ZNF740: variants seen among roughly 807,000 people sequenced by gnomAD.
The protein encoded by ZNF740 is oriLyt TD-element-binding protein 7.
ZNF740 carries 14 observed loss-of-function variants against 24.8 expected under a neutral mutation model. That is an observed-to-expected ratio of 0.56 (90% CI 0.37 to 0.88). The LOEUF (loss-of-function observed/expected upper bound fraction) is 0.88. Ranked by LOEUF, ZNF740 falls within the 40% of genes least tolerant of loss-of-function variation. ZNF740 has a pLI of 0.00. For missense variants in ZNF740, 201 were observed against 247.9 expected (o/e 0.81, Z 1.27); for synonymous variants, 69 against 84.0 (o/e 0.82, Z 0.98).
chr12:53,184,114 G>T (rs901313294), intron 2 of ZNF740, among the ~76,000 whole-genome samples: 7 of 123,506 alleles, frequency 5.7e-5, no homozygotes, highest in Admixed American at 3.9e-4. Context: ...GAAGCTAAGG[G>T]GTGTGTGTGT....
Position 53,194,267 on chromosome 12 carries a change from C to T in ZNF740, c.*6677C>T, listed in dbSNP as rs777948445. 3.1e-6 allele frequency: 5 copies of T among 1,613,964 alleles called. No homozygotes were observed. The highest frequency in any genetic ancestry group is 1.7e-5 in the Admixed American group (1 of 59,998). On this transcript the variant is annotated 3_prime_UTR_variant, in exon 7 of 7. Coordinates refer to ENST00000416904, the MANE Select transcript of ZNF740 (RefSeq NM_001004304.4). ...CCTTACCCTCCCTCTTCTCAGGACC[C>T]TCACACTGGGATTCGTAAGAAATGT...
rs1942032899 is a variant in ZNF740, at chr12:53,193,250, C to G, written c.*5660C>G. On this transcript the variant is annotated 3_prime_UTR_variant, in exon 7 of 7. Transcript: ENST00000416904. Reference sequence around the variant, plus strand: ...GCGTCCACATTGACAGTGACCCTTTCCACTGCACAGGGGCCCTGTGCCATT... The same window carrying G: ...GCGTCCACATTGACAGTGACCCTTTGCACTGCACAGGGGCCCTGTGCCATT... 1.2e-6 allele frequency: 2 copies of G among 1,614,060 alleles called. No homozygotes were observed. Among genetic ancestry groups the G allele is most frequent in the African/African-American group, 2.7e-5 (2 of 74,918 alleles).
rs1292352768 is a variant in ZNF740 at position 53,192,832 on chromosome 12, A to G, written c.*5242A>G. ...TCCCTCGGGACTGATGCAACTGTCCATGTCCCCACTGCATTCGCATGCTCT... is the reference window on the plus strand; with the variant it reads ...TCCCTCGGGACTGATGCAACTGTCCGTGTCCCCACTGCATTCGCATGCTCT... On this transcript the variant is annotated 3_prime_UTR_variant, in exon 7 of 7. Coordinates refer to ENST00000416904, the MANE Select transcript of ZNF740 (RefSeq NM_001004304.4). 8.1e-6 allele frequency: 13 copies of G among 1,614,182 alleles called. No individual in the cohort carries two copies. The highest frequency in any genetic ancestry group is 1.7e-5 in the Admixed American group (1 of 60,034).
chr12:53,191,553 CCTT>C lies in ZNF740; in HGVS notation c.*3965_*3967del. 6.2e-7 allele frequency: 1 copy of C among 1,608,196 alleles called. No homozygotes were observed. On this transcript the variant is annotated 3_prime_UTR_variant, in exon 7 of 7. Coordinates refer to ENST00000416904, the MANE Select transcript of ZNF740 (RefSeq NM_001004304.4). ...GAGCCTTGGGTAAGTGTCCCTCCCT[CCTT>C]CAGAGAGTGGGACTGTCTGCCTCTT...
At position 53,191,160 on chromosome 12, in the gene ZNF740, C is replaced by T. The variant is rs867413030; in HGVS notation, c.*3570C>T. ...ATAGGCCCTTTCCAGACCTGGCTTC[C>T]TGGGTCCCAGGGTGCACCCCGGGAG... On this transcript the variant is annotated 3_prime_UTR_variant, in exon 7 of 7. Transcript: ENST00000416904. The T allele has an allele frequency of 2.0e-5, 5 of 244,164 alleles. No individual in the cohort carries two copies. The South Asian group carries it at 2.9e-4, about 14-fold the overall frequency. 15.1% of individuals were successfully genotyped at this position (244,164 alleles called of 1,614,324 possible). A position where few individuals can be genotyped will look rare whatever the true frequency, so the allele number is the denominator to read the frequency against.
Position 53,192,221 on chromosome 12 carries a change from A to T in ZNF740, c.*4631A>T. 7.7e-7 allele frequency: 1 copy of T among 1,298,378 alleles called. No individual in the cohort carries two copies. The highest frequency in any genetic ancestry group is 2.4e-5 in the East Asian group (1 of 42,206). The allele number at this position is 1,298,378 out of a possible 1,614,324, so 80.4% of individuals were successfully genotyped here. On this transcript the variant is annotated 3_prime_UTR_variant, in exon 7 of 7. Transcript: ENST00000416904. ...GCCTCTGCCTTTGTCCTGGATTCAC[A>T]GTTCTGCTTCAGCCCCCAGCCTGTT... is the stretch of plus-strand genomic sequence containing the variant.
chr12:53,180,725 A>G lies in ZNF740; in HGVS notation c.-420A>G. The G allele has an allele frequency of 7.9e-7, 1 of 1,263,920 alleles. No individual in the cohort carries two copies. Among genetic ancestry groups the G allele is most frequent in the Non-Finnish European group, 1.0e-6 (1 of 976,416 alleles). 78.3% of individuals were successfully genotyped at this position (1,263,920 alleles called of 1,614,324 possible). A position where few individuals can be genotyped will look rare whatever the true frequency, so the allele number is the denominator to read the frequency against. On this transcript the variant is annotated 5_prime_UTR_variant, in exon 1 of 7. Transcript: ENST00000416904. The stretch of plus-strand genomic sequence containing the variant: ...AAACGGGCCGGGGTTGGTGTTTGTA[A>G]ACTTGCCTCGGTCCCGGTGGGGGCA...
chr12:53,193,388 A>C lies in ZNF740; in HGVS notation c.*5798A>C, dbSNP rs768385002. 5.3e-6 allele frequency: 8 copies of C among 1,514,634 alleles called. No homozygotes were observed. The highest frequency in any genetic ancestry group is 7.1e-6 in the Non-Finnish European group (8 of 1,122,574). The allele number at this position is 1,514,634 out of a possible 1,614,324, so 93.8% of individuals were successfully genotyped here. A position where few individuals can be genotyped will look rare whatever the true frequency, so the allele number is the denominator to read the frequency against. ...GCTGGAAGGGGAAGGCAAAGGAGAG[A>C]AGTAGGTCAGAGGGTTTGATCACCC... On this transcript the variant is annotated 3_prime_UTR_variant, in exon 7 of 7. Transcript: ENST00000416904.
Position 53,191,643 on chromosome 12 carries a change from A to G in ZNF740, c.*4053A>G, listed in dbSNP as rs779529235. The G allele has an allele frequency of 6.2e-7, 1 of 1,611,666 alleles. No homozygotes were observed. Among genetic ancestry groups the G allele is most frequent in the Non-Finnish European group, 8.5e-7 (1 of 1,177,890 alleles). ...TGTAGAGAGGATTACTGTCCTGGAG[A>G]AAGATGTTGCAGATTATAAGCAAAA... On this transcript the variant is annotated 3_prime_UTR_variant, in exon 7 of 7. Transcript: ENST00000416904.
rs1024052141 is a variant in ZNF740, at chr12:53,187,678, A to G, written c.*88A>G. On this transcript the variant is annotated 3_prime_UTR_variant, in exon 7 of 7. Transcript: ENST00000416904. ...GGTCTGATGGTCCCACCACCGCCCC[A>G]TGTGAACCTGTCCCACTCCTGGAGG... 3.8e-6 allele frequency: 4 copies of G among 1,065,834 alleles called. No homozygotes were observed. The highest frequency in any genetic ancestry group is 2.5e-5 in the East Asian group (1 of 39,466). The allele number at this position is 1,065,834 out of a possible 1,614,324, so 66.0% of individuals were successfully genotyped here. A position where few individuals can be genotyped will look rare whatever the true frequency, so the allele number is the denominator to read the frequency against.
intron 2 of ZNF740, 21 bp from the exon 3 acceptor site, chr12:53,184,870 C>T: frequency 1.2e-6 from 2 of 1,606,416 alleles, no homozygotes; most frequent in Non-Finnish European, 1.7e-6. Flanking sequence ...TGACCTGACA[C>T]CTCATCTCCT....
Position 53,192,233 on chromosome 12 carries a change from G to T in ZNF740, c.*4643G>T. ...GTCCTGGATTCACAGTTCTGCTTCA[G>T]CCCCCAGCCTGTTTCCCATTATCTT... On this transcript the variant is annotated 3_prime_UTR_variant, in exon 7 of 7. Coordinates refer to ENST00000416904, the MANE Select transcript of ZNF740 (RefSeq NM_001004304.4). The T allele has an allele frequency of 7.4e-7, 1 of 1,357,736 alleles. No individual in the cohort carries two copies. Among genetic ancestry groups the T allele is most frequent in the Non-Finnish European group, 1.0e-6 (1 of 967,798 alleles). 84.1% of individuals were successfully genotyped at this position (1,357,736 alleles called of 1,614,324 possible). A position where few individuals can be genotyped will look rare whatever the true frequency, so the allele number is the denominator to read the frequency against.
At chr12:53,184,150 T>TGCGCGCGC (rs377127380) in intron 2 of ZNF740, among the ~76,000 whole-genome samples, 39 of 104,416 alleles carry the variant, frequency 3.7e-4, no homozygotes, top group African/African-American at 7.5e-4. Context: ...TGTGTGTGTG[T>TGCGCGCGC]GCGCGCGCGC....
chr12:53,185,485 T>C lies in ZNF740; in HGVS notation c.249+9T>C, dbSNP rs1375066252. 8.1e-6 allele frequency: 13 copies of C among 1,612,824 alleles called. No individual in the cohort carries two copies. The highest frequency in any genetic ancestry group is 1.1e-5 in the Non-Finnish European group (13 of 1,179,280). The stretch of plus-strand genomic sequence containing the variant: ...AAAAGACTGTTAAAAAGGCAGGTAA[T>C]GGGGTGATCCCCCAAACTCATACAG... On this transcript the variant is annotated intron_variant, in intron 4 of 6. Transcript: ENST00000416904.
intron 2 of ZNF740, among the ~76,000 whole-genome samples, chr12:53,184,163 T>A (rs1222035766): frequency 9.7e-6 from 1 of 103,492 alleles, no homozygotes; most frequent in African/African-American, 4.9e-5. Context: ...GCGCGCGCGC[T>A]CTGAAGCTAA....
In ZNF740 at chr12:53,191,463, C is replaced by G; in HGVS notation, c.*3873C>G. ...CGCACCTCGCCAGTGAATTAGTCCC[C>G]TACCAAGGTCTTACAGACCCACCCT... is the stretch of plus-strand genomic sequence containing the variant. On this transcript the variant is annotated 3_prime_UTR_variant, in exon 7 of 7. Coordinates refer to ENST00000416904, the MANE Select transcript of ZNF740 (RefSeq NM_001004304.4). 1 of 996,678 alleles carries G rather than the reference C, an allele frequency of 1.0e-6. No individual in the cohort carries two copies. The highest frequency in any genetic ancestry group is 1.3e-5 in the South Asian group (1 of 78,306). 61.7% of individuals were successfully genotyped at this position (996,678 alleles called of 1,614,324 possible).
intron 3 of ZNF740, 101 bp downstream of exon 3, chr12:53,185,141 A>T: frequency 6.4e-7 from 1 of 1,557,090 alleles, no homozygotes; most frequent in Non-Finnish European, 8.7e-7. Flanking sequence ...CTCATAGGGA[A>T]GTGGGGCAAG....
chr12:53,185,178 A>G, intron 3 of ZNF740, 138 bp downstream of exon 3: 4 of 1,390,914 alleles, frequency 2.9e-6, no homozygotes, highest in Non-Finnish European at 3.9e-6. Context: ...ATGGATGAAC[A>G]TTGGTATTTC....
Position 53,186,189 on chromosome 12 carries a change from G to A in ZNF740, c.373+112G>A, listed in dbSNP as rs144532586. ...TAATGGGTAAGTATTAGAAATGAAG[G>A]AAGAAGATAAGTCAATGAAGCAGAG... On this transcript the variant is annotated intron_variant, in intron 5 of 6. Coordinates refer to ENST00000416904, the MANE Select transcript of ZNF740 (RefSeq NM_001004304.4). 6.1e-4 allele frequency: 848 copies of A among 1,391,480 alleles called. 2 individuals are homozygous for A. The highest frequency in any genetic ancestry group is 4.1e-3 in the African/African-American group (288 of 69,544). The allele number at this position is 1,391,480 out of a possible 1,614,324, so 86.2% of individuals were successfully genotyped here. A position where few individuals can be genotyped will look rare whatever the true frequency, so the allele number is the denominator to read the frequency against.
Sources: allele counts gnomAD v4.1 joint callset (sites outside exome capture counted in the v4.1 genomes callset), GRCh38; gene constraint gnomAD v4.1.1; transcripts MANE v1.5; gene names NCBI Gene and HGNC (gene_info 2026-07-23, HGNC 2026-07-21).